CACNA1C: variants seen among roughly 807,000 people sequenced by gnomAD.
CACNA1C encodes calcium voltage-gated channel subunit alpha1 C.
Under a neutral mutation model 229.0 loss-of-function variants are expected in CACNA1C, and 30 were observed. The observed-to-expected ratio is 0.13, with a 90% CI of 0.10 to 0.18. The LOEUF is 0.18. CACNA1C is among the 10% of genes least tolerant of loss of function. CACNA1C has a pLI of 1.00. For missense variants in CACNA1C, 1,658 were observed against 2,845.0 expected (o/e 0.58, Z 9.49); for synonymous variants, 1,114 against 1,132.5 (o/e 0.98, Z 0.33).
chr12:2,657,554 G>C (rs190027233), intron 34 of CACNA1C, among the ~76,000 whole-genome samples: 3 of 152,064 alleles, frequency 2.0e-5, no homozygotes, highest in Non-Finnish European at 4.4e-5. Flanking sequence ...TCCATCAAAA[G>C]GAAGCTAAAG....
intron 3 of CACNA1C, among the ~76,000 whole-genome samples, chr12:2,447,384 C>T (rs1486084899): frequency 6.6e-6 from 1 of 152,158 alleles, no homozygotes; most frequent in Non-Finnish European, 1.5e-5. Flanking sequence ...CCCTGCACTC[C>T]TTTCCCACGC....
intron 2 of CACNA1C, among the ~76,000 whole-genome samples, chr12:2,118,352 T>G (rs1341062934): frequency 6.6e-6 from 1 of 152,142 alleles, no homozygotes; most frequent in East Asian, 1.9e-4. Flanking sequence ...GCCTGTGGGC[T>G]CGGTGTCACT....
chr12:2,044,140 A>T (rs55895736), intron 1 of CACNA1C, among the ~76,000 whole-genome samples: 7,175 of 152,296 alleles, frequency 0.047, 257 homozygotes, highest in Middle Eastern at 0.078. Flanking sequence ...AGAAAATTTG[A>T]ATCTGCTATG....
At chr12:1,999,684 C>T (rs868624477) in intron 1 of CACNA1C, among the ~76,000 whole-genome samples, 2 of 152,282 alleles carry the variant, frequency 1.3e-5, no homozygotes, top group Middle Eastern at 6.8e-3. Flanking sequence ...TATGATTGTA[C>T]CTCTGCATTC....
At chr12:2,225,385 A>G (rs2062675449) in intron 3 of CACNA1C, among the ~76,000 whole-genome samples, 2 of 152,248 alleles carry the variant, frequency 1.3e-5, no homozygotes, top group African/African-American at 4.8e-5. Context: ...ACAGTAGCAT[A>G]AATAATTAAC....
rs1020478705 is a variant in CACNA1C at position 2,275,705 on chromosome 12, G to T, written c.477+155275G>T. ...ATTTGACCTTTTCGCTTGTGGTCGG[G>T]CCAGGTTGAGCAGGAAACCATCGTT... is the stretch of plus-strand genomic sequence containing the variant. On this transcript the variant is annotated intron_variant, in intron 3 of 46. Coordinates refer to ENST00000399655, the MANE Select transcript of CACNA1C (RefSeq NM_000719.7). The surrounding 1 kb of genome is among the most constrained non-coding windows in gnomAD (Gnocchi z 4.1). Among the ~76,000 whole-genome samples the T allele has an allele frequency of 2.0e-5, 3 of 150,738 alleles. No homozygotes were observed. The highest frequency in any genetic ancestry group is 6.6e-5 in the Admixed American group (1 of 15,254).
rs946105168 is a variant in CACNA1C, at chr12:2,335,279, G to A, written c.478-113697G>A. 1.2e-4 allele frequency among the ~76,000 whole-genome samples: 19 copies of A among 152,200 alleles called. 1 individual carries two copies. The South Asian group carries it at 1.7e-3, about 13-fold the overall frequency. ...GATCCATAACTCAGTGGTCTCTTCC[G>A]CCATGCCTGCAGGCTCCCACCTTCC... On this transcript the variant is annotated intron_variant, in intron 3 of 46. Transcript: ENST00000399655.
intron 7 of CACNA1C, among the ~76,000 whole-genome samples, chr12:2,502,412 A>G (rs2099762595): frequency 6.6e-6 from 1 of 152,242 alleles, no homozygotes; most frequent in African/African-American, 2.4e-5. Flanking sequence ...AATACACGTA[A>G]TAAATAGGTA....
rs1269941661 is a variant in CACNA1C at position 2,566,115 on chromosome 12, A to G, written c.1509-307A>G. 6.6e-6 allele frequency among the ~76,000 whole-genome samples: 1 copy of G among 152,218 alleles called. No individual in the cohort carries two copies. The highest frequency in any genetic ancestry group is 2.4e-5 in the African/African-American group (1 of 41,452). On this transcript the variant is annotated intron_variant, in intron 11 of 46. Coordinates refer to ENST00000399655, the MANE Select transcript of CACNA1C (RefSeq NM_000719.7). The surrounding 1 kb of genome is among the most constrained non-coding windows in gnomAD (Gnocchi z 4.0). ...TTTCACAAAAATTAAAAAAACTTCC[A>G]TTTATTGAGCATCTTCAACTTCAAA...
intron 1 of CACNA1C, among the ~76,000 whole-genome samples, chr12:2,042,198 A>C (rs930431852): frequency 1.3e-5 from 2 of 152,196 alleles, no homozygotes; most frequent in African/African-American, 4.8e-5. Flanking sequence ...ATACATATTT[A>C]CATTCCATTT....
At chr12:2,328,241 T>G (rs1476195493) in intron 3 of CACNA1C, among the ~76,000 whole-genome samples, 1 of 152,220 alleles carries the variant, frequency 6.6e-6, no homozygotes, top group East Asian at 1.9e-4. Context: ...AGTTCTTTCT[T>G]CTTAGTACCT....
intron 29 of CACNA1C, among the ~76,000 whole-genome samples, chr12:2,616,596 G>A (rs1249409244): frequency 6.6e-6 from 1 of 152,260 alleles, no homozygotes; most frequent in Non-Finnish European, 1.5e-5. Context: ...AGTCGCTGCT[G>A]CGAGCCCCCA....
intron 9 of CACNA1C, among the ~76,000 whole-genome samples, chr12:2,543,184 A>G (rs1052695076): frequency 2.6e-5 from 4 of 152,224 alleles, no homozygotes; most frequent in South Asian, 2.1e-4. Flanking sequence ...AGCTTCCTGT[A>G]TAGCTTTCTT....
Position 2,633,846 on chromosome 12 carries a change from G to C in CACNA1C, c.3829-451G>C. The C allele has an allele frequency of 4.8e-6, 3 of 626,978 alleles. No individual in the cohort carries two copies. Among genetic ancestry groups the C allele is most frequent in the East Asian group, 5.7e-5 (2 of 34,834 alleles). 38.8% of individuals were successfully genotyped at this position (626,978 alleles called of 1,614,324 possible). ...AATTTCCTGTTTTTACCCGCCTCCA[G>C]TCATGCCTTTTATTGAACCTGCCGT... On this transcript the variant is annotated intron_variant, in intron 29 of 46. Coordinates refer to ENST00000399655, the MANE Select transcript of CACNA1C (RefSeq NM_000719.7). This position sits in a 1 kb window ranked among gnomAD's most constrained non-coding sequence, Gnocchi z 5.8.
intron 1 of CACNA1C, among the ~76,000 whole-genome samples, chr12:2,001,766 T>C (rs1372849001): frequency 1.3e-5 from 2 of 152,220 alleles, no homozygotes; most frequent in Admixed American, 1.3e-4. Flanking sequence ...AACCACTAGC[T>C]AGGAACACAA....
rs73033354 is a variant in CACNA1C, at chr12:2,226,464, G to T, written c.477+106034G>T. On this transcript the variant is annotated intron_variant, in intron 3 of 46. Coordinates refer to ENST00000399655, the MANE Select transcript of CACNA1C (RefSeq NM_000719.7). ...ACCCTGACTTTCTCTCTGGAAGATG[G>T]TCAGCAGTCTAAAGCCAATGTATTT... Among the ~76,000 whole-genome samples the T allele has an allele frequency of 4.4e-3, 672 of 152,226 alleles. 4 individuals carry two copies. The highest frequency in any genetic ancestry group is 0.01 in the Middle Eastern group (3 of 294).
chr12:2,070,209 A>G (rs1007195471), intron 1 of CACNA1C, among the ~76,000 whole-genome samples: 14 of 152,222 alleles, frequency 9.2e-5, no homozygotes, highest in African/African-American at 3.4e-4. Context: ...AAATAGTACC[A>G]GAGACAAAGG....
chr12:2,073,320 C>T (rs2283272), intron 1 of CACNA1C, among the ~76,000 whole-genome samples: 116,125 of 152,136 alleles, frequency 0.76, 44,771 homozygotes, highest in African/African-American at 0.84. Context: ...TTGGTTGTCA[C>T]CTTACCCTTC....
At chr12:2,169,021 G>T (rs1372442797) in intron 3 of CACNA1C, among the ~76,000 whole-genome samples, 1 of 152,166 alleles carries the variant, frequency 6.6e-6, no homozygotes, top group Non-Finnish European at 1.5e-5. Context: ...ACCTGTCCTT[G>T]CTGGGGAGGG....
Sources: allele counts gnomAD v4.1 joint callset (sites outside exome capture counted in the v4.1 genomes callset), GRCh38; gene constraint gnomAD v4.1.1; non-coding constraint Gnocchi (gnomAD v3.1); transcripts MANE v1.5; gene names NCBI Gene and HGNC (gene_info 2026-07-23, HGNC 2026-07-21).